The following GID4 variants were observed in gnomAD, a reference collection of about 807,000 sequenced individuals.
GID4 encodes GID complex subunit 4 homolog, also known as glucose-induced degradation protein 4 homolog.
Under a neutral mutation model 32.4 loss-of-function variants are expected in GID4, and 7 were observed. The observed-to-expected ratio is 0.22, with a 90% CI of 0.12 to 0.41. GID4 has a LOEUF of 0.41. GID4 is among the 10% of genes least tolerant of loss of function. GID4 has a pLI of 1.00. For synonymous variants in GID4, 166 were observed against 170.0 expected (o/e 0.98, Z 0.18); for missense variants, 309 against 400.0 (o/e 0.77, Z 1.94).
intron 3 of GID4, among the ~76,000 whole-genome samples, chr17:18,055,811 T>C (rs2044961514): frequency 6.6e-6 from 1 of 151,390 alleles, no homozygotes; most frequent in Non-Finnish European, 1.5e-5. Flanking sequence ...TTTTCTTTTA[T>C]GGGGGTTTTT....
chr17:18,062,911 T>A (rs1343921811), intron 5 of GID4, among the ~76,000 whole-genome samples: 3 of 147,962 alleles, frequency 2.0e-5, no homozygotes, highest in Non-Finnish European at 4.5e-5. Flanking sequence ...CCGTCTCTAC[T>A]AAAAAACAAA....
Position 18,066,480 on chromosome 17 carries a change from G to GTGTA in GID4, c.*1240_*1241insATGT, listed in dbSNP as rs1555531608. 6.6e-6 allele frequency: 1 copy of GTGTA among 152,252 alleles called. No homozygotes were observed. The highest frequency in any genetic ancestry group is 2.4e-5 in the African/African-American group (1 of 41,268). 9.4% of individuals were successfully genotyped at this position (152,252 alleles called of 1,614,324 possible). ...TGTGTGTGTGTGTGTGTGTGTGTGT[G>GTGTA]TGTGTATGATGTTTTGTTTTTTTAA... On this transcript the variant is annotated 3_prime_UTR_variant, in exon 6 of 6. Transcript: ENST00000268719.
At chr17:18,046,243 T>C (rs568537455) in intron 2 of GID4, among the ~76,000 whole-genome samples, 1 of 152,342 alleles carries the variant, frequency 6.6e-6, no homozygotes, top group African/African-American at 2.4e-5. Context: ...ATTCTTCTTC[T>C]GCCCCTTCCT....
chr17:18,041,139 C>G lies in GID4; in HGVS notation c.438+1237C>G, dbSNP rs938143620. 2.0e-5 allele frequency among the ~76,000 whole-genome samples: 3 copies of G among 152,224 alleles called. 1 individual carries two copies. Among genetic ancestry groups the G allele is most frequent in the Admixed American group, 6.5e-5 (1 of 15,284 alleles). On this transcript the variant is annotated intron_variant, in intron 1 of 5. Transcript: ENST00000268719. ...CTGACACCTCATCTGCCAGGCTGTTCCCAGAAGCCCCTCCAAACACCTGTC... is the reference window on the plus strand; with the variant it reads ...CTGACACCTCATCTGCCAGGCTGTTGCCAGAAGCCCCTCCAAACACCTGTC...
At chr17:18,055,874 T>A (rs2044962229) in intron 3 of GID4, among the ~76,000 whole-genome samples, 1 of 152,204 alleles carries the variant, frequency 6.6e-6, no homozygotes, top group African/African-American at 2.4e-5. Flanking sequence ...AGTCTCAGTC[T>A]GTCACCCAGG....
chr17:18,067,146 A>AG lies in GID4; in HGVS notation c.*1905dup. 1 of 152,380 alleles carries AG rather than the reference A, an allele frequency of 6.6e-6. No individual in the cohort carries two copies. The highest frequency in any genetic ancestry group is 2.4e-5 in the African/African-American group (1 of 41,458). The allele number at this position is 152,380 out of a possible 1,614,324, so 9.4% of individuals were successfully genotyped here. Reference sequence around the variant, plus strand: ...GGTTGAGCTGATGGACAAGTGAAGGAGGCCATGGGGCTGTGCTGTCCTTCC... The same window carrying AG: ...GGTTGAGCTGATGGACAAGTGAAGGAGGGCCATGGGGCTGTGCTGTCCTTCC... On this transcript the variant is annotated 3_prime_UTR_variant, in exon 6 of 6. Coordinates refer to ENST00000268719, the MANE Select transcript of GID4 (RefSeq NM_024052.5).
At position 18,047,847 on chromosome 17, in the gene GID4, A is replaced by G. The variant is rs373502315; in HGVS notation, c.498+2641A>G. ...ACATACCATACATTTCACCCATTTG[A>G]AGTATACAGTTCATTGGTTTTTAGT... On this transcript the variant is annotated intron_variant, in intron 2 of 5. Coordinates refer to ENST00000268719, the MANE Select transcript of GID4 (RefSeq NM_024052.5). Among the ~76,000 whole-genome samples, 7 of 152,302 alleles carry G rather than the reference A, an allele frequency of 4.6e-5. No homozygotes were observed. In the South Asian group the frequency reaches 1.4e-3, roughly 32 times the overall value.
intron 4 of GID4, among the ~76,000 whole-genome samples, chr17:18,059,812 G>A (rs186712162): frequency 5.9e-5 from 9 of 152,138 alleles, no homozygotes; most frequent in African/African-American, 9.6e-5. Flanking sequence ...TCGGCCGGGC[G>A]TGGTGGATCA....
chr17:18,041,939 T>C (rs2145545606), intron 1 of GID4, among the ~76,000 whole-genome samples: 1 of 152,298 alleles, frequency 6.6e-6, no homozygotes, highest in South Asian at 2.1e-4. Context: ...TTGAGTAAGA[T>C]GTCTGATGGT....
In GID4 at chr17:18,065,360, C is replaced by A; in HGVS notation, c.*117C>A. 1.3e-6 allele frequency: 1 copy of A among 773,064 alleles called. No homozygotes were observed. Among genetic ancestry groups the A allele is most frequent in the Non-Finnish European group, 2.2e-6 (1 of 446,774 alleles). The allele number at this position is 773,064 out of a possible 1,614,324, so 47.9% of individuals were successfully genotyped here. A position where few individuals can be genotyped will look rare whatever the true frequency, so the allele number is the denominator to read the frequency against. On this transcript the variant is annotated 3_prime_UTR_variant, in exon 6 of 6. Transcript: ENST00000268719. ...GTGTTCCTGTTTCTTCACGAGCAGA[C>A]TCGCATCACAAAGCATGAATGTTAA... is the stretch of plus-strand genomic sequence containing the variant.
At chr17:18,048,084 G>A (rs1244927144) in intron 2 of GID4, among the ~76,000 whole-genome samples, 1 of 151,468 alleles carries the variant, frequency 6.6e-6, no homozygotes, top group Non-Finnish European at 1.5e-5. Flanking sequence ...TGTATTTTTA[G>A]TAGAGATGGG....
Position 18,058,874 on chromosome 17 carries a change from T to G in GID4, c.613T>G (p.Phe205Val). 1 of 1,606,732 alleles carries G rather than the reference T, an allele frequency of 6.2e-7. No individual in the cohort carries two copies. Among genetic ancestry groups the G allele is most frequent in the Non-Finnish European group, 8.5e-7 (1 of 1,173,440 alleles). ...EDVDRKHWGK[F>V]LAFYQYAKSF... ...CTCTCTTTTCTGCTTTCAGGGCAAG[T>G]TTCTGGCTTTTTATCAGTATGCAAA... The change falls in exon 4 of 6, where the codon TTT becomes GTT. Residue 205 changes from phenylalanine to valine, a missense_variant. Phe to Val is a conservative substitution (Grantham distance 50). Coordinates refer to ENST00000268719, the MANE Select transcript of GID4 (RefSeq NM_024052.5).
intron 1 of GID4, among the ~76,000 whole-genome samples, chr17:18,041,288 T>C (rs1017370104): frequency 2.2e-4 from 34 of 152,208 alleles, no homozygotes; most frequent in African/African-American, 8.0e-4. Flanking sequence ...AAACAAATCT[T>C]AGTTTCACTT....
Position 18,039,761 on chromosome 17 carries a change from C to T in GID4, c.297C>T (p.Ala99=). 6.4e-7 allele frequency: 1 copy of T among 1,567,070 alleles called. No individual in the cohort carries two copies. The highest frequency in any genetic ancestry group is 1.4e-5 in the African/African-American group (1 of 71,640). The change falls in exon 1 of 6, where the codon GCC becomes GCT. Residue 99 remains alanine, a synonymous_variant. Coordinates refer to ENST00000268719, the MANE Select transcript of GID4 (RefSeq NM_024052.5). The surrounding 1 kb of genome is among the most constrained non-coding windows in gnomAD (Gnocchi z 5.3). ...ECPPPAGASA[A]SAASLIPPPP... ...CCCCGCCGGCCGGTGCCTCCGCTGC[C>T]TCCGCGGCCTCACTCATCCCGCCGC... is the stretch of plus-strand genomic sequence containing the variant.
At position 18,058,887 on chromosome 17, in the gene GID4, A is replaced by G; in HGVS notation, c.626A>G (p.Tyr209Cys). The G allele has an allele frequency of 1.9e-6, 3 of 1,611,584 alleles. No homozygotes were observed. Among genetic ancestry groups the G allele is most frequent in the Non-Finnish European group, 2.5e-6 (3 of 1,177,862 alleles). Reference protein sequence around the residue: ...RKHWGKFLAFYQYAKSFNSDD... With the variant: ...RKHWGKFLAFCQYAKSFNSDD... The stretch of plus-strand genomic sequence containing the variant: ...TTTCAGGGCAAGTTTCTGGCTTTTT[A>G]TCAGTATGCAAAATCATTTAACTCA... The change falls in exon 4 of 6, where the codon TAT becomes TGT. Residue 209 changes from tyrosine (Y) to cysteine (C), a missense_variant. Transcript: ENST00000268719.
Position 18,045,891 on chromosome 17 carries a change from C to CAA in GID4, c.498+699_498+700dup, listed in dbSNP as rs549347770. Among the ~76,000 whole-genome samples, 484 of 80,680 alleles carry CAA rather than the reference C, an allele frequency of 6.0e-3. 2 individuals carry two copies. Among genetic ancestry groups the CAA allele is most frequent in the African/African-American group, 0.022 (469 of 21,222 alleles). 52.9% of individuals were successfully genotyped at this position (80,680 alleles called of 152,430 possible). A position where few individuals can be genotyped will look rare whatever the true frequency, so the allele number is the denominator to read the frequency against. On this transcript the variant is annotated intron_variant, in intron 2 of 5. Coordinates refer to ENST00000268719, the MANE Select transcript of GID4 (RefSeq NM_024052.5). ...TGGGCAACAGAGCAAGACCCTGTCT[C>CAA]AAAAAAAAAAAAAAAGAAAGAAAAA...
At chr17:18,063,693 C>A (rs2045036649) in intron 5 of GID4, among the ~76,000 whole-genome samples, 1 of 152,072 alleles carries the variant, frequency 6.6e-6, no homozygotes, top group African/African-American at 2.4e-5. Context: ...CATGTTGTAC[C>A]ATGTATCAGA....
chr17:18,046,758 C>T (rs1179435430), intron 2 of GID4, among the ~76,000 whole-genome samples: 1 of 151,938 alleles, frequency 6.6e-6, no homozygotes, highest in Non-Finnish European at 1.5e-5. Flanking sequence ...CCCATCTTTA[C>T]TAAAAATATA....
In GID4 at chr17:18,039,686, C is replaced by T. The variant is rs770486184; in HGVS notation, c.222C>T (p.Pro74=). 5.5e-6 allele frequency: 8 copies of T among 1,463,508 alleles called. No individual in the cohort carries two copies. The highest frequency in any genetic ancestry group is 1.3e-5 in the South Asian group (1 of 74,324). The allele number at this position is 1,463,508 out of a possible 1,614,324, so 90.7% of individuals were successfully genotyped here. The part of the protein sequence containing the change: ...RAAAAVPLPL[P]PALAPGDPAM... ...CGGCGGCGGTTCCTCTCCCACTCCC[C>T]CCAGCCCTGGCTCCGGGGGACCCCG... Residue 74 remains proline (P), a synonymous_variant, in exon 1 of 6, where the codon CCC becomes CCT. Coordinates refer to ENST00000268719, the MANE Select transcript of GID4 (RefSeq NM_024052.5). This position sits in a 1 kb window ranked among gnomAD's most constrained non-coding sequence, Gnocchi z 5.3.
Sources: allele counts gnomAD v4.1 joint callset (sites outside exome capture counted in the v4.1 genomes callset), GRCh38; gene constraint gnomAD v4.1.1; non-coding constraint Gnocchi (gnomAD v3.1); transcripts MANE v1.5; gene names NCBI Gene and HGNC (gene_info 2026-07-23, HGNC 2026-07-21).